The following EIF2S2 variants were observed in gnomAD, a reference collection of about 807,000 sequenced individuals.
EIF2S2 encodes eukaryotic translation initiation factor 2 subunit 2.
A neutral mutation model predicts 44.0 loss-of-function variants in EIF2S2; 4 were observed. The ratio of observed to expected loss-of-function variants is 0.09; its 90% confidence interval spans 0.04 to 0.21. The LOEUF (loss-of-function observed/expected upper bound fraction) is 0.21. Ranked by LOEUF, EIF2S2 falls within the 10% of genes least tolerant of loss-of-function variation. The probability of loss-of-function intolerance (pLI) is 1.00; values close to 1 mark genes in which losing one functional copy is unlikely to be tolerated. For missense variants in EIF2S2, 154 were observed against 392.0 expected, an observed-to-expected ratio of 0.39 and a Z score of 5.13; for synonymous variants, 108 against 128.3, an observed-to-expected ratio of 0.84 and a Z score of 1.07.
Position 34,089,112 on chromosome 20 carries a change from G to A in EIF2S2, c.*618C>T, listed in dbSNP as rs2034130247. 1 of 152,866 alleles carries A rather than the reference G, an allele frequency of 6.5e-6. No individual in the cohort carries two copies. The highest frequency in any genetic ancestry group is 2.1e-4 in the South Asian group (1 of 4,822). The allele number at this position is 152,866 out of a possible 1,614,324, so 9.5% of individuals were successfully genotyped here. On this transcript the variant is annotated 3_prime_UTR_variant, in exon 9 of 9. Transcript: ENST00000374980. Reference sequence around the variant, plus strand: ...TGTATTCCCTCATGTGGTAACAGCTGGGGGAGGACTTGGCGGTGAGGTAGT... The same window carrying A: ...TGTATTCCCTCATGTGGTAACAGCTAGGGGAGGACTTGGCGGTGAGGTAGT...
chr20:34,101,151 G>A (rs2034290584), intron 3 of EIF2S2, among the ~76,000 whole-genome samples: 1 of 152,118 alleles, frequency 6.6e-6, no homozygotes, highest in Non-Finnish European at 1.5e-5. Context: ...TGGCTATCAA[G>A]ACCAATCTGC....
At chr20:34,108,132 T>C (rs1601540338) in intron 1 of EIF2S2, 1 of 152,232 alleles carries the variant, frequency 6.6e-6, no homozygotes, top group Non-Finnish European at 1.5e-5. Context: ...TTCCCTAGAA[T>C]ATTAATTGCC....
In EIF2S2 at chr20:34,103,487, A is replaced by G. The variant is rs1312285833; in HGVS notation, c.272T>C (p.Ile91Thr). The G allele has an allele frequency of 4.5e-6, 7 of 1,563,264 alleles. No individual in the cohort carries two copies. The Admixed American group carries it at 7.5e-5, about 17-fold the overall frequency. Residue 91 changes from isoleucine to threonine, a missense_variant, in exon 3 of 9, where the codon ATT becomes ACT. Ile to Thr is a moderately conservative substitution (Grantham distance 89). Around this residue, in one of 2 missense-constraint regions of EIF2S2, gnomAD observed 134 missense variants for 225.0 expected, o/e 0.60. Coordinates refer to ENST00000374980, the MANE Select transcript of EIF2S2 (RefSeq NM_003908.5). ...KKKKTKKIFD[I>T]DEAEEGVKDL... ...CTTTACACCTTCTTCAGCTTCATCA[A>G]TATCAAATATCTTTTTAGTTTTTTT...
In EIF2S2 at chr20:34,094,005, C is replaced by T. The variant is rs552018641; in HGVS notation, c.684-274G>A. ...TCCTGAGCTCAAGCCATCCTCCCAT[C>T]TCAGCCTCCCAAGTAGCTAGGACTA... On this transcript the variant is annotated intron_variant, in intron 6 of 8. Coordinates refer to ENST00000374980, the MANE Select transcript of EIF2S2 (RefSeq NM_003908.5). Among the ~76,000 whole-genome samples the T allele has an allele frequency of 3.3e-5, 5 of 152,304 alleles. No individual in the cohort carries two copies. The South Asian group carries it at 1.0e-3, about 32-fold the overall frequency.
intron 3 of EIF2S2, among the ~76,000 whole-genome samples, chr20:34,102,714 G>C (rs6088398): frequency 0.085 from 12,936 of 152,218 alleles, 614 homozygotes; most frequent in African/African-American, 0.12. Context: ...ATGTGAGTGA[G>C]TGTGTGTACT....
At chr20:34,091,348 T>C (rs1301293269) in intron 7 of EIF2S2, among the ~76,000 whole-genome samples, 1 of 152,116 alleles carries the variant, frequency 6.6e-6, no homozygotes, top group Non-Finnish European at 1.5e-5. Flanking sequence ...TGGTTAGAAG[T>C]ATAGTTGATA....
At chr20:34,101,205 G>A (rs2034291256) in intron 3 of EIF2S2, among the ~76,000 whole-genome samples, 1 of 152,214 alleles carries the variant, frequency 6.6e-6, no homozygotes, top group African/African-American at 2.4e-5. Context: ...AGCACTTTGG[G>A]AGGCCAAGGC....
chr20:34,092,504 T>TA (rs1398954882), intron 7 of EIF2S2, among the ~76,000 whole-genome samples: 1 of 152,054 alleles, frequency 6.6e-6, no homozygotes, highest in Non-Finnish European at 1.5e-5. Flanking sequence ...CCTCGTCTAC[T>TA]AAAAATACAA....
chr20:34,108,783 C>T (rs992583581), intron 1 of EIF2S2, among the ~76,000 whole-genome samples: 22 of 152,114 alleles, frequency 1.4e-4, no homozygotes, highest in African/African-American at 5.3e-4. Context: ...ATACCTTACC[C>T]AAGAAATCAA....
At chr20:34,110,208 A>G (rs1401466941) in intron 1 of EIF2S2, among the ~76,000 whole-genome samples, 8 of 152,158 alleles carry the variant, frequency 5.3e-5, no homozygotes, top group African/African-American at 9.7e-5. Context: ...CCACTCTGGG[A>G]AAGTCCTTGG....
At chr20:34,104,093 A>G (rs1020826653) in intron 2 of EIF2S2, among the ~76,000 whole-genome samples, 2 of 152,192 alleles carry the variant, frequency 1.3e-5, no homozygotes, top group Non-Finnish European at 2.9e-5. Context: ...CATGTTGAGA[A>G]TATTTATTTA....
chr20:34,097,312 A>T, intron 5 of EIF2S2, 104 bp downstream of exon 5: 1 of 955,854 alleles, frequency 1.0e-6, no homozygotes, highest in Non-Finnish European at 1.6e-6. Context: ...CATCTGTTCC[A>T]CCATCAGTCA....
chr20:34,111,993 T>A (rs1394469115), intron 1 of EIF2S2, 103 bp downstream of exon 1: 4 of 1,248,204 alleles, frequency 3.2e-6, no homozygotes, highest in East Asian at 3.2e-5. Flanking sequence ...CTGCCTCACA[T>A]GGCGGCGGCC....
At chr20:34,098,021 G>T (rs974946473) in intron 4 of EIF2S2, among the ~76,000 whole-genome samples, 1 of 152,100 alleles carries the variant, frequency 6.6e-6, no homozygotes, top group African/African-American at 2.4e-5. Flanking sequence ...CGAGGCGGAC[G>T]GATCACCTGA....
At position 34,088,681 on chromosome 20, in the gene EIF2S2, G is replaced by T. The variant is rs186192613; in HGVS notation, c.*1049C>A. The T allele has an allele frequency of 6.5e-6, 1 of 152,750 alleles. No individual in the cohort carries two copies. The highest frequency in any genetic ancestry group is 1.9e-4 in the East Asian group (1 of 5,190). 9.5% of individuals were successfully genotyped at this position (152,750 alleles called of 1,614,324 possible). ...ATCCTCAGCAAGTGAGAACAAGGCA[G>T]ATCACAGCACCGACACAGAAGATGG... is the stretch of plus-strand genomic sequence containing the variant. On this transcript the variant is annotated 3_prime_UTR_variant, in exon 9 of 9. Transcript: ENST00000374980.
At chr20:34,097,046 G>A (rs1364351113) in intron 5 of EIF2S2, among the ~76,000 whole-genome samples, 1 of 152,174 alleles carries the variant, frequency 6.6e-6, no homozygotes, top group African/African-American at 2.4e-5. Flanking sequence ...TCATTCTGTT[G>A]TTTCTATGGC....
Position 34,100,596 on chromosome 20 carries a change from G to A in EIF2S2, c.298-1963C>T, listed in dbSNP as rs182247949. On this transcript the variant is annotated intron_variant, in intron 3 of 8. Coordinates refer to ENST00000374980, the MANE Select transcript of EIF2S2 (RefSeq NM_003908.5). ...GTACCAAAGACCCTGTTATCACTTC[G>A]GAGATTCCAAGGATTTTAGCAGTTG... Among the ~76,000 whole-genome samples the A allele has an allele frequency of 2.5e-4, 38 of 151,844 alleles. No individual in the cohort carries two copies. In the East Asian group the frequency reaches 7.0e-3, roughly 28 times the overall value.
At chr20:34,105,629 G>A in intron 1 of EIF2S2, 84 bp from the exon 2 acceptor site, 3 of 1,285,650 alleles carry the variant, frequency 2.3e-6, no homozygotes, top group Non-Finnish European at 3.1e-6. Flanking sequence ...ATCCTCAAAA[G>A]GCATACTCTT....
intron 4 of EIF2S2, 132 bp downstream of exon 4, chr20:34,098,366 T>C: frequency 1.1e-6 from 1 of 933,836 alleles, no homozygotes; most frequent in Non-Finnish European, 1.6e-6. Flanking sequence ...CTGTTTCCTT[T>C]CGCTTCCATT....
Sources: gnomAD v4.1 joint callset for allele counts (sites outside exome capture counted in the v4.1 genomes callset) on GRCh38, gnomAD v4.1.1 for gene constraint, gnomAD v4.1.1 regional missense constraint, MANE v1.5 for transcripts, NCBI Gene and HGNC (gene_info 2026-07-23, HGNC 2026-07-21) for gene names.